Variants in OSBPL10 observed in about 807,000 individuals in gnomAD.
OSBPL10 encodes the protein oxysterol binding protein like 10, also known as oxysterol-binding protein-related protein 10.
In OSBPL10, 49 loss-of-function variants were observed where a neutral mutation model predicts 81.7. The observed-to-expected ratio is 0.60, with a 90% CI of 0.48 to 0.76. The LOEUF is 0.76. OSBPL10 is among the 30% of genes least tolerant of loss of function. OSBPL10 has a pLI of 0.00. For missense variants in OSBPL10, 923 were observed against 987.8 expected (o/e 0.93, Z 0.88); for synonymous variants, 419 against 383.6 (o/e 1.09, Z -1.08).
chr3:31,980,002 TTTTA>T (rs574709861), intron 1 of OSBPL10, among the ~76,000 whole-genome samples: 2 of 150,522 alleles, frequency 1.3e-5, no homozygotes, highest in African/African-American at 4.9e-5. Context: ...TTTTATTTTA[TTTTA>T]TTTATTTATT....
At chr3:31,696,850 A>G (rs1695736362) in intron 7 of OSBPL10, among the ~76,000 whole-genome samples, 1 of 152,236 alleles carries the variant, frequency 6.6e-6, no homozygotes, top group Admixed American at 6.5e-5. Context: ...AGATTTGTAT[A>G]TATCCAAATG....
chr3:31,971,672 A>G (rs1698570930), intron 1 of OSBPL10, among the ~76,000 whole-genome samples: 1 of 152,220 alleles, frequency 6.6e-6, no homozygotes, highest in African/African-American at 2.4e-5. Flanking sequence ...GGGCTGCCTC[A>G]ACTACTTGCA....
At chr3:31,677,961 G>A (rs2125533424) in intron 8 of OSBPL10, among the ~76,000 whole-genome samples, 1 of 150,988 alleles carries the variant, frequency 6.6e-6, no homozygotes, top group South Asian at 2.1e-4. Context: ...GGCGCCTGTA[G>A]TCCCAGCTAC....
chr3:32,027,691 C>T (rs1218454595), intron 2 of OSBPL10, among the ~76,000 whole-genome samples: 1 of 152,076 alleles, frequency 6.6e-6, no homozygotes, highest in Non-Finnish European at 1.5e-5. Context: ...CTATTTATGG[C>T]TATGAATAGC....
At chr3:31,675,079 A>C (rs1700431638) in intron 8 of OSBPL10, among the ~76,000 whole-genome samples, 1 of 152,180 alleles carries the variant, frequency 6.6e-6, no homozygotes, top group African/African-American at 2.4e-5. Flanking sequence ...AAATCCTTCC[A>C]GGCGAGCAAT....
At chr3:31,827,044 G>A (rs2125520885) in intron 4 of OSBPL10, among the ~76,000 whole-genome samples, 1 of 152,226 alleles carries the variant, frequency 6.6e-6, no homozygotes, top group South Asian at 2.1e-4. Context: ...GAGTACAAAA[G>A]CCAAACCAAA....
At chr3:31,853,678 T>G (rs1194837167) in intron 3 of OSBPL10, among the ~76,000 whole-genome samples, 8 of 152,174 alleles carry the variant, frequency 5.3e-5, no homozygotes, top group Non-Finnish European at 1.0e-4. Flanking sequence ...TCACACAGTT[T>G]TTCTTCTCTT....
chr3:31,837,018 C>A (rs923763058), intron 3 of OSBPL10, among the ~76,000 whole-genome samples: 2 of 151,960 alleles, frequency 1.3e-5, no homozygotes, highest in African/African-American at 4.8e-5. Flanking sequence ...ATGAATCATT[C>A]AAAACTCAGG....
chr3:31,934,492 T>TC (rs1388693853), intron 1 of OSBPL10, among the ~76,000 whole-genome samples: 2 of 148,798 alleles, frequency 1.3e-5, no homozygotes, highest in Admixed American at 6.7e-5. Context: ...CACTGCAACC[T>TC]CCGCCTCCCA....
chr3:31,816,509 G>A (rs1238356419), intron 4 of OSBPL10, among the ~76,000 whole-genome samples: 2 of 152,186 alleles, frequency 1.3e-5, no homozygotes, highest in African/African-American at 4.8e-5. Flanking sequence ...AGTCCAGGAT[G>A]CTTGTGATGG....
intron 3 of OSBPL10, among the ~76,000 whole-genome samples, chr3:31,847,073 G>A (rs957091977): frequency 6.6e-6 from 1 of 151,990 alleles, no homozygotes; most frequent in African/African-American, 2.4e-5. Context: ...ATAAAGGGCT[G>A]TCACTTCAAG....
intron 2 of OSBPL10, among the ~76,000 whole-genome samples, chr3:32,013,417 C>G (rs1699279859): frequency 6.6e-6 from 1 of 152,028 alleles, no homozygotes; most frequent in African/African-American, 2.4e-5. Flanking sequence ...ACACAACATA[C>G]CAGAATCTCT....
upstream of OSBPL10, among the ~76,000 whole-genome samples, chr3:31,984,021 G>C (rs1269524077): frequency 3.4e-5 from 5 of 148,710 alleles, no homozygotes; most frequent in Non-Finnish European, 7.4e-5. Context: ...AGAGCCTAAG[G>C]GGTTTTTTTT....
intron 2 of OSBPL10, among the ~76,000 whole-genome samples, chr3:32,016,895 G>A (rs1443662252): frequency 6.6e-6 from 1 of 152,108 alleles, no homozygotes; most frequent in Non-Finnish European, 1.5e-5. Context: ...ATGAGAGACC[G>A]TATGTAAAGA....
intron 1 of OSBPL10, among the ~76,000 whole-genome samples, chr3:31,886,032 G>A: frequency 7.3e-6 from 1 of 137,400 alleles, no homozygotes; most frequent in Non-Finnish European, 1.6e-5. Context: ...AGAAAGAAAG[G>A]AGAAGGAGAT....
chr3:31,992,514 T>C (rs1699045026), intron 2 of OSBPL10, among the ~76,000 whole-genome samples: 2 of 152,166 alleles, frequency 1.3e-5, no homozygotes, highest in South Asian at 4.1e-4. Context: ...GCTGCCCACA[T>C]TCCTTGGTTC....
intron 1 of OSBPL10, among the ~76,000 whole-genome samples, chr3:31,884,078 G>A (rs1386056789): frequency 1.3e-5 from 2 of 152,126 alleles, no homozygotes; most frequent in Non-Finnish European, 2.9e-5. Context: ...TAATTGAAGA[G>A]GACATTATTT....
At position 31,734,870 on chromosome 3, in the gene OSBPL10, C is replaced by T. The variant is rs115268525; in HGVS notation, c.941-1459G>A. ...GCATGACTCATGAACTAAAATTCAA[C>T]ATTTCAGGGTCTCAGATGTTCCATC... On this transcript the variant is annotated intron_variant, in intron 5 of 11. Transcript: ENST00000396556. Among the ~76,000 whole-genome samples, 1,064 of 152,312 alleles carry T rather than the reference C, an allele frequency of 7.0e-3. 13 individuals carry two copies. Among genetic ancestry groups the T allele is most frequent in the African/African-American group, 0.024 (1,018 of 41,566 alleles).
At chr3:31,702,769 C>T (rs1695939634) in intron 6 of OSBPL10, among the ~76,000 whole-genome samples, 1 of 152,180 alleles carries the variant, frequency 6.6e-6, no homozygotes, top group South Asian at 2.1e-4. Flanking sequence ...CAAAACAGCT[C>T]CCTGTTCTTT....
Sources: gnomAD v4.1 joint callset for allele counts (sites outside exome capture counted in the v4.1 genomes callset) on GRCh38, gnomAD v4.1.1 for gene constraint, MANE v1.5 for transcripts, NCBI Gene and HGNC (gene_info 2026-07-23, HGNC 2026-07-21) for gene names.